The following SMC4 variants were observed in gnomAD, a reference collection of about 807,000 sequenced individuals.
SMC4 encodes the protein structural maintenance of chromosomes 4.
SMC4 carries 87 observed loss-of-function variants against 145.6 expected under a neutral mutation model. That is an observed-to-expected ratio of 0.60 (90% CI 0.50 to 0.71). The LOEUF (loss-of-function observed/expected upper bound fraction) is 0.71. Ranked by LOEUF, SMC4 falls within the 30% of genes least tolerant of loss-of-function variation. SMC4 has a pLI of 0.00. For missense variants in SMC4, 1,447 were observed against 1,537.1 expected, an observed-to-expected ratio of 0.94 and a Z score of 0.98; for synonymous variants, 558 against 500.7, an observed-to-expected ratio of 1.11 and a Z score of -1.53.
Position 160,430,594 on chromosome 3 carries a change from T to C in SMC4, c.2796-5T>C. ...CATTTTTGATGCATCATTTTGCTTC[T>C]TTAGAAACCTTCAAAAGGCACAAGA... is the stretch of plus-strand genomic sequence containing the variant. On this transcript the variant is annotated splice_region_variant and splice_polypyrimidine_tract_variant and intron_variant, in intron 18 of 23. Coordinates refer to ENST00000357388, the MANE Select transcript of SMC4 (RefSeq NM_001002800.3). The C allele has an allele frequency of 6.4e-7, 1 of 1,566,614 alleles. No individual in the cohort carries two copies.
chr3:160,432,520 GTAAT>G lies in SMC4; in HGVS notation c.3530+8_3530+11del. On this transcript the variant is annotated splice_donor_region_variant and intron_variant, in intron 22 of 23. Transcript: ENST00000357388. ...CTCTGAAGGAATCATGTTCAGGTGT[GTAAT>G]TATGCTGAGTTTATAATCCCACTGT... The G allele has an allele frequency of 6.5e-7, 1 of 1,537,224 alleles. No individual in the cohort carries two copies. The highest frequency in any genetic ancestry group is 1.2e-5 in the South Asian group (1 of 83,572).
intron 23 of SMC4, 119 bp from the exon 24 acceptor site, chr3:160,433,538 C>T: frequency 6.4e-6 from 4 of 625,656 alleles, no homozygotes; most frequent in Non-Finnish European, 8.2e-6. Flanking sequence ...TTATTCCTGC[C>T]ATCATTCCTT....
At chr3:160,430,909 A>G in intron 19 of SMC4, 123 bp from the exon 20 acceptor site, 2 of 1,254,148 alleles carry the variant, frequency 1.6e-6, no homozygotes, top group South Asian at 3.0e-5. Flanking sequence ...GTGAATTTAA[A>G]TGCTTAAATT....
chr3:160,412,680 A>G, intron 7 of SMC4: 17 of 862,328 alleles, frequency 2.0e-5, no homozygotes, highest in South Asian at 6.1e-5. Context: ...TGGGCAACAT[A>G]GCAAGACCCC....
Position 160,413,479 on chromosome 3 carries a change from G to C in SMC4, c.987G>C (p.Glu329Asp). The change falls in exon 8 of 24, where the codon GAG (glutamate) becomes GAC (aspartate). Residue 329 changes from glutamate to aspartate, a missense_variant. By Grantham distance (45) the Glu-to-Asp change is conservative. Coordinates refer to ENST00000357388, the MANE Select transcript of SMC4 (RefSeq NM_001002800.3). ...KNHVCQYYIY[E>D]LQKRIAEMET... ...TTTTTTTTCCTCCCTATAGTTATGAGTTGCAGAAACGAATTGCTGAAATGG... is the reference window on the plus strand; with the variant it reads ...TTTTTTTTCCTCCCTATAGTTATGACTTGCAGAAACGAATTGCTGAAATGG... The C allele has an allele frequency of 6.4e-7, 1 of 1,573,198 alleles. No individual in the cohort carries two copies. The highest frequency in any genetic ancestry group is 1.2e-5 in the South Asian group (1 of 84,160).
chr3:160,411,825 C>G (rs1477197020), intron 5 of SMC4, 95 bp from the exon 6 acceptor site: 1 of 965,084 alleles, frequency 1.0e-6, no homozygotes, highest in Admixed American at 2.3e-5. Context: ...ATGTTTATTA[C>G]TCTTGGCTTT....
At chr3:160,432,857 A>C in intron 22 of SMC4, 169 bp from the exon 23 acceptor site, 3 of 593,956 alleles carry the variant, frequency 5.1e-6, no homozygotes, top group Non-Finnish European at 8.9e-6. Flanking sequence ...CTATGTATGC[A>C]TCCTCCAATA....
intron 7 of SMC4, chr3:160,412,726 T>C (rs17826173): frequency 0.25 from 181,992 of 736,992 alleles, 23,622 homozygotes; most frequent in Non-Finnish European, 0.26. Context: ...GGTGAACTTA[T>C]CCAATGTGAG....
chr3:160,422,677 T>C (rs1252541470), intron 13 of SMC4, among the ~76,000 whole-genome samples: 2 of 152,218 alleles, frequency 1.3e-5, no homozygotes, highest in African/African-American at 4.8e-5. Context: ...TTATCTTTTT[T>C]TTCCTTTGGT....
intron 13 of SMC4, 55 bp from the exon 14 acceptor site, chr3:160,423,370 T>TTTA: frequency 3.0e-6 from 3 of 992,516 alleles, no homozygotes; most frequent in Middle Eastern, 3.2e-4. Context: ...TTTTTTTTTT[T>TTTA]GAGTTTTCTT....
At chr3:160,423,868 CTTTT>C (rs563297060) in intron 15 of SMC4, 28 bp downstream of exon 15, 14 of 1,223,048 alleles carry the variant, frequency 1.1e-5, no homozygotes, top group Non-Finnish European at 1.5e-5. Flanking sequence ...TGTATCCAGA[CTTTT>C]TTTTTTTTTT....
intron 15 of SMC4, among the ~76,000 whole-genome samples, chr3:160,424,641 T>C (rs982600267): frequency 6.6e-6 from 1 of 152,192 alleles, no homozygotes; most frequent in African/African-American, 2.4e-5. Flanking sequence ...ACCACGTCTC[T>C]ACTAAAAACA....
intron 9 of SMC4, 27 bp from the exon 10 acceptor site, chr3:160,416,224 C>T (rs758290060): frequency 6.7e-7 from 1 of 1,499,176 alleles, no homozygotes. Flanking sequence ...AAGATGTATG[C>T]TCCTATAACT....
intron 4 of SMC4, among the ~76,000 whole-genome samples, 182 bp downstream of exon 4, chr3:160,403,049 T>A (rs1417842803): frequency 6.6e-6 from 1 of 152,176 alleles, no homozygotes; most frequent in Non-Finnish European, 1.5e-5. Flanking sequence ...ACTTATTTTT[T>A]AGCTAAAGAA....
chr3:160,418,508 ATC>A (rs1436082876), intron 11 of SMC4, among the ~76,000 whole-genome samples: 1 of 152,168 alleles, frequency 6.6e-6, no homozygotes, highest in Non-Finnish European at 1.5e-5. Context: ...TAAAAAAAAA[ATC>A]TGTTTGAAGT....
intron 5 of SMC4, among the ~76,000 whole-genome samples, chr3:160,410,668 A>G (rs2108462846): frequency 6.6e-6 from 1 of 152,320 alleles, no homozygotes; most frequent in South Asian, 2.1e-4. Flanking sequence ...TGCAAATAAA[A>G]TTATTTCTTA....
intron 13 of SMC4, among the ~76,000 whole-genome samples, chr3:160,423,172 A>C (rs1717365604): frequency 6.6e-6 from 1 of 152,186 alleles, no homozygotes; most frequent in African/African-American, 2.4e-5. Flanking sequence ...AAAGGCGAGG[A>C]AGTAACTGGG....
At chr3:160,429,955 T>TCC (rs909564725) in intron 18 of SMC4, among the ~76,000 whole-genome samples, 7 of 151,884 alleles carry the variant, frequency 4.6e-5, no homozygotes, top group African/African-American at 1.7e-4. Flanking sequence ...GACGTCATGG[T>TCC]CCCCCTGCCT....
rs753663145 is a variant in SMC4 at position 160,432,367 on chromosome 3, C to T, written c.3382C>T (p.Arg1128Trp). ...TTTTAGACAGGCATATGAAGATCTT[C>T]GGAAACAAAGGCTTAATGAATTTAT... ...DSFRQAYEDL[R>W]KQRLNEFMAG... The change falls in exon 22 of 24, where the codon CGG becomes TGG. Residue 1128 changes from arginine (R) to tryptophan (W), a missense_variant. Arg to Trp is a moderately radical substitution (Grantham distance 101). Coordinates refer to ENST00000357388, the MANE Select transcript of SMC4 (RefSeq NM_001002800.3). The T allele has an allele frequency of 1.4e-5, 22 of 1,613,754 alleles. No homozygotes were observed. Among genetic ancestry groups the T allele is most frequent in the African/African-American group, 5.3e-5 (4 of 74,990 alleles).
Sources: gnomAD v4.1 joint callset for allele counts (sites outside exome capture counted in the v4.1 genomes callset) on GRCh38, gnomAD v4.1.1 for gene constraint, MANE v1.5 for transcripts, NCBI Gene and HGNC (gene_info 2026-07-23, HGNC 2026-07-21) for gene names.